Variants in TRA2B observed in about 807,000 individuals in gnomAD.
TRA2B encodes the protein transformer 2 beta homolog, also known as transformer-2 protein homolog beta.
In TRA2B, 14 loss-of-function variants were observed where a neutral mutation model predicts 41.7. The observed-to-expected ratio is 0.34, with a 90% CI of 0.22 to 0.53. The LOEUF is 0.53. Ranked by LOEUF, TRA2B falls within the 20% of genes least tolerant of loss-of-function variation. The pLI is 0.95. For missense variants in TRA2B, 167 were observed against 396.8 expected (o/e 0.42, Z 4.92); for synonymous variants, 130 against 128.8 (o/e 1.01, Z -0.06).
At chr3:185,925,357 T>C in intron 3 of TRA2B, 107 bp downstream of exon 3, 1 of 1,315,904 alleles carries the variant, frequency 7.6e-7, no homozygotes, top group Non-Finnish European at 1.0e-6. Flanking sequence ...CTCTGAAGAT[T>C]TCACTCACGC....
At chr3:185,937,417 T>G (rs959125111) in intron 1 of TRA2B, 1 of 1,016,220 alleles carries the variant, frequency 9.8e-7, no homozygotes, top group African/African-American at 1.7e-5. Flanking sequence ...GCCGCGCGGC[T>G]TCTCCGCCAT....
intron 4 of TRA2B, 37 bp downstream of exon 4, chr3:185,923,759 G>A (rs138482035): frequency 1.3e-6 from 2 of 1,567,750 alleles, no homozygotes; most frequent in Non-Finnish European, 8.6e-7. Flanking sequence ...GTTAACAATA[G>A]AACTGATGGT....
chr3:185,927,812 A>C (rs1434759221), intron 1 of TRA2B: 1 of 152,260 alleles, frequency 6.6e-6, no homozygotes, highest in Non-Finnish European at 1.5e-5. Context: ...CAAGGCACCA[A>C]AACAGTAGAT....
At chr3:185,936,678 T>TG (rs1405239754) in intron 1 of TRA2B, 44 of 967,876 alleles carry the variant, frequency 4.5e-5, no homozygotes, top group Non-Finnish European at 5.1e-5. Context: ...AACAAATTGT[T>TG]TTTTTTTTTT....
intron 1 of TRA2B, chr3:185,928,532 G>A (rs1333677704): frequency 6.6e-6 from 1 of 152,090 alleles, no homozygotes; most frequent in African/African-American, 2.4e-5. Flanking sequence ...TATTCTGAAC[G>A]GACACTTCCC....
intron 6 of TRA2B, 68 bp from the exon 7 acceptor site, chr3:185,919,564 T>G: frequency 7.3e-7 from 1 of 1,365,794 alleles, no homozygotes; most frequent in South Asian, 1.3e-5. Flanking sequence ...TGTCATTCAT[T>G]TAGTAAAATA....
intron 3 of TRA2B, 199 bp from the exon 4 acceptor site, chr3:185,924,183 A>T (rs1743850015): frequency 2.3e-6 from 1 of 428,592 alleles, no homozygotes; most frequent in African/African-American, 2.0e-5. Flanking sequence ...ATGCAAAAGA[A>T]AAAATTTCAA....
chr3:185,931,564 G>A (rs1392186720), intron 1 of TRA2B: 1 of 1,213,490 alleles, frequency 8.2e-7, no homozygotes, highest in African/African-American at 1.6e-5. Flanking sequence ...CACATAAACA[G>A]ACTAGTAATT....
intron 6 of TRA2B, among the ~76,000 whole-genome samples, chr3:185,919,987 G>A (rs556470719): frequency 6.6e-6 from 1 of 152,162 alleles, no homozygotes; most frequent in East Asian, 1.9e-4. Flanking sequence ...TATTTGACTT[G>A]TCAAATTACA....
intron 1 of TRA2B, among the ~76,000 whole-genome samples, chr3:185,932,681 ATAAT>A (rs1249555847): frequency 1.3e-5 from 2 of 152,192 alleles, no homozygotes; most frequent in East Asian, 3.8e-4. Flanking sequence ...ACCTCCTCAA[ATAAT>A]TAAAAAGATT....
intron 6 of TRA2B, among the ~76,000 whole-genome samples, chr3:185,920,632 G>A (rs906376514): frequency 1.3e-5 from 2 of 151,672 alleles, no homozygotes; most frequent in African/African-American, 4.8e-5. Flanking sequence ...TAAATTCACT[G>A]CAACCTCTGC....
At chr3:185,937,388 T>A in intron 1 of TRA2B, 1 of 1,001,594 alleles carries the variant, frequency 1.0e-6, no homozygotes. Context: ...CGCGGCCCGC[T>A]GCGGGTCGGG....
chr3:185,931,692 A>C, intron 1 of TRA2B: 1 of 1,292,516 alleles, frequency 7.7e-7, no homozygotes, highest in Non-Finnish European at 9.8e-7. Flanking sequence ...CTTCACACAA[A>C]TTGCTCAATA....
intron 1 of TRA2B, chr3:185,936,420 C>CTAAA: frequency 1.0e-6 from 1 of 985,366 alleles, no homozygotes; most frequent in Non-Finnish European, 1.2e-6. Flanking sequence ...ACATCAAAAA[C>CTAAA]TAAAAACTCT....
chr3:185,919,321 T>A lies in TRA2B; in HGVS notation c.782+116A>T, dbSNP rs3764775. 2.7e-4 allele frequency: 201 copies of A among 734,736 alleles called. 2 individuals are homozygous for A. In the East Asian group the frequency reaches 5.3e-3, roughly 19 times the overall value. The allele number at this position is 734,736 out of a possible 1,614,324, so 45.5% of individuals were successfully genotyped here. A position where few individuals can be genotyped will look rare whatever the true frequency, so the allele number is the denominator to read the frequency against. On this transcript the variant is annotated intron_variant, in intron 7 of 8. Coordinates refer to ENST00000453386, the MANE Select transcript of TRA2B (RefSeq NM_004593.3). The stretch of plus-strand genomic sequence containing the variant: ...TTTCCGTTAGAATATTTTCATGAGC[T>A]TCAAACAGTCTGATTTTGGGTATTC...
At position 185,937,104 on chromosome 3, in the gene TRA2B, C is replaced by T. The variant is rs1489791051; in HGVS notation, c.36+721G>A. On this transcript the variant is annotated intron_variant, in intron 1 of 8. Transcript: ENST00000453386. Reference sequence around the variant, plus strand: ...CTTTGTGGTCTGTCCTAATAGAATACTGATACAGATTTTTGCCTGGGAAGC... The same window carrying T: ...CTTTGTGGTCTGTCCTAATAGAATATTGATACAGATTTTTGCCTGGGAAGC... 5.1e-6 allele frequency: 5 copies of T among 985,364 alleles called. No individual in the cohort carries two copies. The African/African-American group carries it at 7.0e-5, about 14-fold the overall frequency. 61.0% of individuals were successfully genotyped at this position (985,364 alleles called of 1,614,324 possible).
chr3:185,926,476 A>G (rs1743957921), intron 2 of TRA2B, 125 bp downstream of exon 2: 2 of 1,256,502 alleles, frequency 1.6e-6, no homozygotes, highest in South Asian at 3.4e-5. Context: ...ACTTAAGTTC[A>G]CTTCTAGTAC....
At chr3:185,930,486 C>T (rs1744108825) in intron 1 of TRA2B, among the ~76,000 whole-genome samples, 1 of 152,138 alleles carries the variant, frequency 6.6e-6, no homozygotes, top group Non-Finnish European at 1.5e-5. Context: ...AAGTCACTTT[C>T]TCCAAGAGCA....
intron 6 of TRA2B, 140 bp from the exon 7 acceptor site, chr3:185,919,636 T>TAAA: frequency 1.5e-6 from 1 of 654,134 alleles, no homozygotes; most frequent in Non-Finnish European, 2.6e-6. Flanking sequence ...CCACCCTTTT[T>TAAA]AGAAACTGGC....
Sources: gnomAD v4.1 joint callset for allele counts (sites outside exome capture counted in the v4.1 genomes callset) on GRCh38, gnomAD v4.1.1 for gene constraint, MANE v1.5 for transcripts, NCBI Gene and HGNC (gene_info 2026-07-23, HGNC 2026-07-21) for gene names.